The following ZCCHC2 variants were observed in gnomAD, a reference collection of about 807,000 sequenced individuals.
ZCCHC2 encodes zinc finger CCHC-type containing 2.
Under a neutral mutation model 103.6 loss-of-function variants are expected in ZCCHC2, and 39 were observed. That is an observed-to-expected ratio of 0.38 (90% confidence interval 0.29 to 0.49). The LOEUF (loss-of-function observed/expected upper bound fraction) is 0.49, where lower values mean the gene tolerates loss of function less well. Ranked by LOEUF, ZCCHC2 falls within the 20% of genes least tolerant of loss-of-function variation. The pLI is 0.96. For synonymous variants in ZCCHC2, 687 were observed against 608.9 expected, an observed-to-expected ratio of 1.13 and a Z score of -1.89; for missense variants, 1,483 against 1,491.0, an observed-to-expected ratio of 0.99 and a Z score of 0.09.
At chr18:62,569,231 G>A (rs1433723574) in intron 11 of ZCCHC2, among the ~76,000 whole-genome samples, 4 of 152,136 alleles carry the variant, frequency 2.6e-5, no homozygotes, top group African/African-American at 9.7e-5. Flanking sequence ...AAAACCACAA[G>A]TCAGTTGCCT....
intron 2 of ZCCHC2, among the ~76,000 whole-genome samples, chr18:62,541,938 A>G (rs917952817): frequency 6.6e-6 from 1 of 152,168 alleles, no homozygotes; most frequent in African/African-American, 2.4e-5. Context: ...AACGTTTATT[A>G]TAATGTTCAG....
At chr18:62,527,653 C>G (rs1401610257) in intron 1 of ZCCHC2, among the ~76,000 whole-genome samples, 1 of 152,136 alleles carries the variant, frequency 6.6e-6, no homozygotes, top group Non-Finnish European at 1.5e-5. Context: ...GTACAAAATT[C>G]AGCAAAGAGG....
chr18:62,530,699 T>C (rs1914637917), intron 1 of ZCCHC2, among the ~76,000 whole-genome samples: 1 of 152,170 alleles, frequency 6.6e-6, no homozygotes, highest in African/African-American at 2.4e-5. Flanking sequence ...TGCAGTGTTC[T>C]ACAGATAAAC....
intron 11 of ZCCHC2, among the ~76,000 whole-genome samples, chr18:62,566,530 T>C (rs1265190442): frequency 6.6e-6 from 1 of 152,236 alleles, no homozygotes; most frequent in Admixed American, 6.5e-5. Context: ...TCCATACTGC[T>C]GCCGTGTTTG....
chr18:62,528,296 TAAAA>T (rs1914524972), intron 1 of ZCCHC2, among the ~76,000 whole-genome samples: 1 of 152,232 alleles, frequency 6.6e-6, no homozygotes, highest in African/African-American at 2.4e-5. Flanking sequence ...AGTAGTGAAT[TAAAA>T]AGAAAACCTT....
intron 1 of ZCCHC2, among the ~76,000 whole-genome samples, chr18:62,526,613 CCCG>C (rs905748419): frequency 6.6e-6 from 1 of 152,076 alleles, no homozygotes; most frequent in Non-Finnish European, 1.5e-5. Context: ...TTCTCGGCCT[CCCG>C]CCGCCGCCGC....
chr18:62,584,994 G>A (rs73963460), exon 15 of ZCCHC2: 26,165 of 152,334 alleles, frequency 0.17, 3,567 homozygotes, highest in African/African-American at 0.38. Flanking sequence ...TGGAATGGCC[G>A]TGTGGCCTCT....
chr18:62,540,244 G>C (rs567549754), intron 2 of ZCCHC2, among the ~76,000 whole-genome samples: 1 of 152,180 alleles, frequency 6.6e-6, no homozygotes, highest in African/African-American at 2.4e-5. Context: ...TGGGTGGAAG[G>C]ACATTGCCAT....
At chr18:62,553,187 TG>T (rs1185023651) in intron 5 of ZCCHC2, among the ~76,000 whole-genome samples, 109 of 151,752 alleles carry the variant, frequency 7.2e-4, no homozygotes, top group African/African-American at 2.4e-3. Flanking sequence ...TGTGTGTGTG[TG>T]TGTGTGTGTG....
intron 1 of ZCCHC2, 195 bp downstream of exon 1, chr18:62,524,558 C>A: frequency 3.6e-6 from 3 of 824,104 alleles, no homozygotes; most frequent in Non-Finnish European, 5.2e-6. Flanking sequence ...CCCACCCCAC[C>A]CCACACCCCG....
Position 62,577,653 on chromosome 18 carries a change from A to G in ZCCHC2, c.*1074A>G, listed in dbSNP as rs759205751. 10 of 152,546 alleles carry G rather than the reference A, an allele frequency of 6.6e-5. No individual in the cohort carries two copies. Among genetic ancestry groups the G allele is most frequent in the Non-Finnish European group, 1.5e-4 (10 of 68,038 alleles). 9.4% of individuals were successfully genotyped at this position (152,546 alleles called of 1,614,324 possible). A position where few individuals can be genotyped will look rare whatever the true frequency, so the allele number is the denominator to read the frequency against. On this transcript the variant is annotated 3_prime_UTR_variant, in exon 14 of 14. Coordinates refer to ENST00000269499, the MANE Select transcript of ZCCHC2 (RefSeq NM_017742.6). ...AAAGTCACTTTTATAACAGTTTACC[A>G]CTATGCTTGATTATAATGTGAAAGG...
chr18:62,565,124 C>T (rs1212693044), intron 11 of ZCCHC2, 28 bp downstream of exon 11: 1 of 1,486,798 alleles, frequency 6.7e-7, no homozygotes, highest in African/African-American at 1.4e-5. Flanking sequence ...CTTTCAAATA[C>T]CCATCACATA....
chr18:62,544,114 G>C (rs940874311), intron 3 of ZCCHC2, among the ~76,000 whole-genome samples: 2 of 152,092 alleles, frequency 1.3e-5, no homozygotes, highest in Admixed American at 1.3e-4. Context: ...AAATTTTTAG[G>C]GGGCCACAGT....
At chr18:62,543,732 A>G (rs1040415071) in intron 3 of ZCCHC2, among the ~76,000 whole-genome samples, 1 of 152,048 alleles carries the variant, frequency 6.6e-6, no homozygotes, top group African/African-American at 2.4e-5. Context: ...ACCATGCCCT[A>G]TGCGTTTTCT....
Position 62,574,116 on chromosome 18 carries a change from G to C in ZCCHC2, c.2035G>C (p.Gly679Arg). ...NPSTTRFTGY[G>R]SVNQTVTVKP... ...ATCAACAACTAGGTTTACAGGTTAC[G>C]GTTCTGTCAACCAGACTGTCACTGT... is the stretch of plus-strand genomic sequence containing the variant. Residue 679 changes from glycine (G) to arginine (R), a missense_variant, in exon 13 of 14, where the codon GGT becomes CGT. By Grantham distance (125) the Gly-to-Arg change is moderately radical. Coordinates refer to ENST00000269499, the MANE Select transcript of ZCCHC2 (RefSeq NM_017742.6). The C allele has an allele frequency of 6.2e-7, 1 of 1,613,972 alleles. No homozygotes were observed. Among genetic ancestry groups the C allele is most frequent in the Non-Finnish European group, 8.5e-7 (1 of 1,179,870 alleles).
chr18:62,544,056 C>T (rs1252517845), intron 3 of ZCCHC2, among the ~76,000 whole-genome samples: 1 of 152,168 alleles, frequency 6.6e-6, no homozygotes, highest in Non-Finnish European at 1.5e-5. Flanking sequence ...AAGGCCTAGA[C>T]AGTAGCATAG....
downstream of ZCCHC2, among the ~76,000 whole-genome samples, chr18:62,580,335 G>A (rs943237156): frequency 5.3e-5 from 8 of 152,164 alleles, no homozygotes; most frequent in Non-Finnish European, 1.0e-4. Context: ...TCCCTGGTTC[G>A]TGTGTACACG....
intron 8 of ZCCHC2, among the ~76,000 whole-genome samples, chr18:62,562,526 C>T (rs539619197): frequency 6.6e-6 from 1 of 151,898 alleles, no homozygotes; most frequent in East Asian, 1.9e-4. Flanking sequence ...TTCCAAAATC[C>T]TCAGTATTGT....
rs114350564 is a variant in ZCCHC2, at chr18:62,568,020, A to G, written c.1847-2083A>G. The stretch of plus-strand genomic sequence containing the variant: ...CTTCCACCCCACTCTTCTGTTGCCA[A>G]TTGTGGCACCAAAAAATTTAGAGGG... On this transcript the variant is annotated intron_variant, in intron 11 of 13. Coordinates refer to ENST00000269499, the MANE Select transcript of ZCCHC2 (RefSeq NM_017742.6). Among the ~76,000 whole-genome samples the G allele has an allele frequency of 3.1e-3, 465 of 150,764 alleles. 1 individual carries two copies. The highest frequency in any genetic ancestry group is 0.011 in the African/African-American group (443 of 40,982).
Sources: allele counts gnomAD v4.1 joint callset (sites outside exome capture counted in the v4.1 genomes callset), GRCh38; gene constraint gnomAD v4.1.1; transcripts MANE v1.5; gene names NCBI Gene and HGNC (gene_info 2026-07-23, HGNC 2026-07-21).